The following PDE8B variants were observed in gnomAD, a reference collection of about 807,000 sequenced individuals.
PDE8B encodes phosphodiesterase 8B.
In PDE8B, 26 loss-of-function variants were observed where a neutral mutation model predicts 101.3. The observed-to-expected ratio is 0.26, with a 90% CI of 0.19 to 0.36. PDE8B has a LOEUF of 0.36. PDE8B is among the 10% of genes least tolerant of loss of function. The probability of loss-of-function intolerance (pLI) is 1.00; values close to 1 mark genes in which losing one functional copy is unlikely to be tolerated. For missense variants in PDE8B, 810 were observed against 1,163.1 expected, an observed-to-expected ratio of 0.70 and a Z score of 4.42; for synonymous variants, 424 against 429.3, an observed-to-expected ratio of 0.99 and a Z score of 0.15.
chr5:77,377,475 T>C (rs980740839), intron 10 of PDE8B, among the ~76,000 whole-genome samples: 4 of 152,216 alleles, frequency 2.6e-5, no homozygotes, highest in Admixed American at 6.5e-5. Context: ...GATTCTGATA[T>C]AAAGACCGGC....
chr5:77,113,626 C>T, the PDE8B span: 1 of 152,114 alleles, frequency 6.6e-6, no homozygotes, highest in Admixed American at 6.5e-5. Context: ...GACTACAACA[C>T]CAAAAGCAAT....
chr5:77,191,299 A>T, the PDE8B span, among the ~76,000 whole-genome samples: 1 of 152,226 alleles, frequency 6.6e-6, no homozygotes, highest in Non-Finnish European at 1.5e-5. Flanking sequence ...AGGTAAATGT[A>T]AGTTTTTTTA....
At chr5:77,146,177 A>G in the PDE8B span, 1 of 152,228 alleles carries the variant, frequency 6.6e-6, no homozygotes, top group Non-Finnish European at 1.5e-5. Context: ...CCTGATTTAA[A>G]TGATGAGATG....
chr5:77,202,945 G>A, the PDE8B span, among the ~76,000 whole-genome samples: 3 of 152,196 alleles, frequency 2.0e-5, no homozygotes, highest in African/African-American at 4.8e-5. Flanking sequence ...GTGGATTTTC[G>A]ACTGTGTAGC....
chr5:77,406,187 A>C (rs1482924966), intron 12 of PDE8B, among the ~76,000 whole-genome samples: 1 of 152,172 alleles, frequency 6.6e-6, no homozygotes, highest in Non-Finnish European at 1.5e-5. Context: ...CAGGAGGCTG[A>C]GGCATGGGAT....
Position 77,356,846 on chromosome 5 carries a change from T to G in PDE8B, c.1167+3440T>G, listed in dbSNP as rs528734210. On this transcript the variant is annotated intron_variant, in intron 10 of 21. Transcript: ENST00000264917. ...TATTGGACAGACCTGGTCTGGACTT[T>G]CCCTACCCTGCCAAATCCTATCACA... Among the ~76,000 whole-genome samples, 2 of 152,184 alleles carry G rather than the reference T, an allele frequency of 1.3e-5. 1 individual carries two copies. Among genetic ancestry groups the G allele is most frequent in the South Asian group, 4.1e-4 (2 of 4,826 alleles).
chr5:77,204,044 C>A, the PDE8B span, among the ~76,000 whole-genome samples: 3 of 144,638 alleles, frequency 2.1e-5, no homozygotes, highest in East Asian at 2.2e-4. Flanking sequence ...ATAATTTGTA[C>A]CCTTAGTTTT....
intron 1 of PDE8B, among the ~76,000 whole-genome samples, chr5:77,248,683 C>T (rs976841471): frequency 6.6e-6 from 1 of 152,150 alleles, no homozygotes; most frequent in African/African-American, 2.4e-5. Context: ...TGCCAGAAAA[C>T]CTCTGGAAAT....
chr5:77,277,686 A>G (rs1299304764), intron 1 of PDE8B, among the ~76,000 whole-genome samples: 1 of 152,062 alleles, frequency 6.6e-6, no homozygotes, highest in Non-Finnish European at 1.5e-5. Context: ...TGTTCATTTT[A>G]CAGGAAATGG....
At chr5:77,097,734 C>CTATATATATATCTATAT in the PDE8B span, among the ~76,000 whole-genome samples, 1 of 26,838 alleles carries the variant, frequency 3.7e-5, no homozygotes. Flanking sequence ...TATATATATA[C>CTATATATATATCTATAT]ATACATATGA....
rs35717428 is a variant in PDE8B at position 77,385,795 on chromosome 5, G to GTTTTT, written c.1168-14437_1168-14433dup. ...AGTTGTGCGGTTTTGAGTGAGTGAG[G>GTTTTT]TTTTTTTTTTTTTTTTTTTTGAGAT... On this transcript the variant is annotated intron_variant, in intron 10 of 21. Transcript: ENST00000264917. Among the ~76,000 whole-genome samples the GTTTTT allele has an allele frequency of 4.5e-3, 488 of 107,966 alleles. 34 individuals are homozygous for GTTTTT. The highest frequency in any genetic ancestry group is 0.017 in the African/African-American group (457 of 26,538). The allele number at this position is 107,966 out of a possible 152,430, so 70.8% of individuals were successfully genotyped here.
the PDE8B span, among the ~76,000 whole-genome samples, chr5:77,089,935 A>G: frequency 6.6e-6 from 1 of 152,260 alleles, no homozygotes; most frequent in East Asian, 1.9e-4. Flanking sequence ...TGATATATAT[A>G]CACAATGGAA....
chr5:77,103,338 A>G, the PDE8B span, among the ~76,000 whole-genome samples: 1 of 152,198 alleles, frequency 6.6e-6, no homozygotes, highest in Non-Finnish European at 1.5e-5. Flanking sequence ...TTACTTTCCT[A>G]TTTACTAGTA....
chr5:77,418,155 C>T, intron 17 of PDE8B, 74 bp from the exon 18 acceptor site: 1 of 986,614 alleles, frequency 1.0e-6, no homozygotes, highest in Non-Finnish European at 1.6e-6. Context: ...ACCCGACCCT[C>T]CGCACAGACA....
intron 2 of PDE8B, among the ~76,000 whole-genome samples, chr5:77,322,360 C>T (rs1487281732): frequency 6.6e-6 from 1 of 152,190 alleles, no homozygotes; most frequent in Non-Finnish European, 1.5e-5. Context: ...ATCAGAAACA[C>T]AGAAAATAAA....
chr5:77,088,127 A>G, the PDE8B span: 1 of 152,244 alleles, frequency 6.6e-6, no homozygotes, highest in Non-Finnish European at 1.5e-5. Context: ...CAGGACGTGC[A>G]ACAGGGTTGT....
chr5:77,275,611 T>G (rs1386504007), intron 1 of PDE8B, among the ~76,000 whole-genome samples: 1 of 152,184 alleles, frequency 6.6e-6, no homozygotes, highest in East Asian at 1.9e-4. Flanking sequence ...CTCAAGAAGT[T>G]ATGGATTTGC....
chr5:77,240,486 G>A (rs1755553162), intron 1 of PDE8B, among the ~76,000 whole-genome samples: 1 of 152,184 alleles, frequency 6.6e-6, no homozygotes, highest in Non-Finnish European at 1.5e-5. Context: ...AAACTCCGAG[G>A]TCACAGGAGG....
chr5:77,426,551 C>T lies in PDE8B; in HGVS notation c.2655C>T (p.Ser885=). 1 of 1,580,244 alleles carries T rather than the reference C, an allele frequency of 6.3e-7. No homozygotes were observed. The highest frequency in any genetic ancestry group is 8.7e-7 in the Non-Finnish European group (1 of 1,149,298). ...KCKSLRLPSD[S] is the part of the protein sequence containing the mutation. Reference sequence around the variant, plus strand: ...AAAGTTTGAGGCTTCCATCTGACAGCTAAAGCCAAGCCACAGAGGGGGCCT... The same window carrying T: ...AAAGTTTGAGGCTTCCATCTGACAGTTAAAGCCAAGCCACAGAGGGGGCCT... The change falls in exon 22 of 22, where the codon AGC becomes AGT. Residue 885 remains serine (S), a synonymous_variant. Coordinates refer to ENST00000264917, the MANE Select transcript of PDE8B (RefSeq NM_003719.5).
Sources: gnomAD v4.1 joint callset for allele counts (sites outside exome capture counted in the v4.1 genomes callset) on GRCh38, gnomAD v4.1.1 for gene constraint, MANE v1.5 for transcripts, NCBI Gene and HGNC (gene_info 2026-07-23, HGNC 2026-07-21) for gene names.